The following RNF212B variants were observed in gnomAD, a reference collection of about 807,000 sequenced individuals.
RNF212B encodes E3 ubiquitin-protein ligase RNF212B.
A neutral mutation model predicts 55.5 loss-of-function variants in RNF212B; 52 were observed. The observed-to-expected ratio is 0.94, with a 90% CI of 0.75 to 1.18. The LOEUF (loss-of-function observed/expected upper bound fraction) is 1.18, where lower values mean the gene tolerates loss of function less well. Ranked by LOEUF, RNF212B falls within the 50% of genes most tolerant of loss-of-function variation. RNF212B has a pLI of 0.00. For synonymous variants in RNF212B, 99 were observed against 121.4 expected (o/e 0.82, Z 1.21); for missense variants, 289 against 350.4 (o/e 0.82, Z 1.40).
chr14:23,230,658 A>G (rs1158731576), intron 2 of RNF212B, among the ~76,000 whole-genome samples: 1 of 91,866 alleles, frequency 1.1e-5, no homozygotes, highest in South Asian at 2.5e-4. Flanking sequence ...CATCTCAAAA[A>G]AAAAAAAAAA....
In RNF212B at chr14:23,262,704, A is replaced by C; in HGVS notation, c.474A>C (p.Ser158=). ...TPRPVGITSP[S]QSVTPRPSFQ... Reference sequence around the variant, plus strand: ...GACCAGTGGGCATTACTTCCCCATCACAGTCAGGTGGAGAACATTTTTCCC... The same window carrying C: ...GACCAGTGGGCATTACTTCCCCATCCCAGTCAGGTGGAGAACATTTTTCCC... The change falls in exon 8 of 15, where the codon TCA becomes TCC. Residue 158 remains serine (S), a synonymous_variant. Coordinates refer to ENST00000430154, the MANE Select transcript of RNF212B (RefSeq NM_001282322.3). 6.5e-7 allele frequency: 1 copy of C among 1,550,342 alleles called. No individual in the cohort carries two copies. The highest frequency in any genetic ancestry group is 8.7e-7 in the Non-Finnish European group (1 of 1,146,880).
intron 4 of RNF212B, among the ~76,000 whole-genome samples, chr14:23,252,747 T>C (rs1467639683): frequency 6.6e-6 from 1 of 152,206 alleles, no homozygotes; most frequent in Non-Finnish European, 1.5e-5. Context: ...TGGGGGTCTT[T>C]AGACTCACTG....
At chr14:23,248,740 C>T (rs1022219965) in intron 4 of RNF212B, among the ~76,000 whole-genome samples, 3 of 152,034 alleles carry the variant, frequency 2.0e-5, no homozygotes, top group African/African-American at 7.2e-5. Context: ...ACGCCCGGCC[C>T]CCAAGCCTCT....
At chr14:23,232,999 A>G (rs1882824396), upstream of RNF212B, among the ~76,000 whole-genome samples, 1 of 152,248 alleles carries the variant, frequency 6.6e-6, no homozygotes, top group South Asian at 2.1e-4. Flanking sequence ...CAGAGAAATC[A>G]GATTGTTGCT....
At chr14:23,185,488 A>C (rs1413703548) in exon 1 of RNF212B, 1 of 152,234 alleles carries the variant, frequency 6.6e-6, no homozygotes, top group Non-Finnish European at 1.5e-5. Flanking sequence ...CTGCTTCTTA[A>C]ACGTGAGTTC....
chr14:23,244,503 G>A, intron 4 of RNF212B, 107 bp downstream of exon 4: 2 of 587,894 alleles, frequency 3.4e-6, no homozygotes, highest in Non-Finnish European at 5.9e-6. Flanking sequence ...CACAATGGAG[G>A]GAAATTGACT....
chr14:23,253,404 A>G (rs956974014), intron 4 of RNF212B, among the ~76,000 whole-genome samples: 1 of 152,022 alleles, frequency 6.6e-6, no homozygotes, highest in African/African-American at 2.4e-5. Flanking sequence ...TCTTTTGTCT[A>G]TAGAGTTGTT....
intron 6 of RNF212B, 143 bp from the exon 7 acceptor site, chr14:23,260,513 ACTG>A: frequency 1.4e-6 from 1 of 705,758 alleles, no homozygotes; most frequent in South Asian, 1.7e-5. Context: ...CTAAGGAAAT[ACTG>A]CTGCTACTTT....
At position 23,268,964 on chromosome 14, in the gene RNF212B, G is replaced by C; in HGVS notation, c.674+1G>C. The C allele has an allele frequency of 6.5e-7, 1 of 1,549,292 alleles. No homozygotes were observed. Among genetic ancestry groups the C allele is most frequent in the Non-Finnish European group, 8.7e-7 (1 of 1,145,602 alleles). On this transcript the variant is annotated splice_donor_variant, in intron 12 of 14. Transcript: ENST00000430154. LOFTEE classifies it high-confidence loss of function. ...CTTCAACTCATAGCCTATCTTATAG[G>C]TCAGTAACACTATGCTTCCTTTTTC...
chr14:23,223,851 C>T (rs1416311046), intron 2 of RNF212B, among the ~76,000 whole-genome samples: 3 of 152,086 alleles, frequency 2.0e-5, no homozygotes, highest in Non-Finnish European at 4.4e-5. Context: ...TTAAAGACTC[C>T]ACCAAAAACT....
At chr14:23,270,086 C>G (rs758928928) in intron 13 of RNF212B, 126 bp downstream of exon 13, 2 of 639,972 alleles carry the variant, frequency 3.1e-6, no homozygotes, top group Non-Finnish European at 5.5e-6. Flanking sequence ...TAGTTGGCTC[C>G]TTAATATTCT....
Position 23,216,999 on chromosome 14 carries a change from G to A in RNF212B, c.-1-23346G>A, listed in dbSNP as rs766060314. Among the ~76,000 whole-genome samples, 3 of 151,526 alleles carry A rather than the reference G, an allele frequency of 2.0e-5. No individual in the cohort carries two copies. In the South Asian group the frequency reaches 6.3e-4, roughly 32 times the overall value. ...CTGGAGAGCAGATTAGTGACTGACA[G>A]ATGTTAAGAATGGGGACAGGCACAG... On this transcript the variant is annotated intron_variant, in intron 2 of 15. Transcript: ENST00000399910.
Position 23,272,859 on chromosome 14 carries a change from A to G in RNF212B, c.871A>G (p.Ser291Gly), listed in dbSNP as rs1406569450. The change falls in exon 15 of 15, where the codon AGT becomes GGT. Residue 291 changes from serine to glycine, a missense_variant. Physicochemically the swap from Ser to Gly is moderately conservative, Grantham distance 56. Coordinates refer to ENST00000430154, the MANE Select transcript of RNF212B (RefSeq NM_001282322.3). ...YQQRRHMGLP[S>G]GREAWTTSR ...ACAACGGAGGCATATGGGATTACCC[A>G]GTGGGAGAGAAGCATGGACCACTTC... 4 of 1,547,834 alleles carry G rather than the reference A, an allele frequency of 2.6e-6. No individual in the cohort carries two copies. In the South Asian group the frequency reaches 4.8e-5, roughly 18 times the overall value.
chr14:23,236,991 T>C (rs532596674), upstream of RNF212B, among the ~76,000 whole-genome samples: 130 of 148,418 alleles, frequency 8.8e-4, no homozygotes, highest in African/African-American at 3.2e-3. Flanking sequence ...TGAGGCAGTG[T>C]CTTGCTCCCT....
At chr14:23,245,847 C>G (rs1883936801) in intron 4 of RNF212B, among the ~76,000 whole-genome samples, 1 of 152,162 alleles carries the variant, frequency 6.6e-6, no homozygotes, top group African/African-American at 2.4e-5. Context: ...TCCATGAAAA[C>G]AGATTTGGTT....
In RNF212B at chr14:23,240,351, T is replaced by C. The variant is rs1883480323; in HGVS notation, c.6T>C (p.Asp2=). The C allele has an allele frequency of 6.5e-7, 1 of 1,544,022 alleles. No individual in the cohort carries two copies. Among genetic ancestry groups the C allele is most frequent in the Admixed American group, 2.0e-5 (1 of 50,938 alleles). M[D]WFHCNQCFRK... is the part of the protein sequence containing the mutation. ...TTCTCTTTATCTGCTCCAGAATGGATTGGTTTCATTGCAACCAGTGCTTCC... is the reference window on the plus strand; with the variant it reads ...TTCTCTTTATCTGCTCCAGAATGGACTGGTTTCATTGCAACCAGTGCTTCC... The change falls in exon 2 of 15, where the codon GAT becomes GAC. Residue 2 remains aspartate, a synonymous_variant. Transcript: ENST00000430154.
intron 2 of RNF212B, among the ~76,000 whole-genome samples, chr14:23,223,645 G>A (rs905595198): frequency 3.3e-5 from 5 of 152,142 alleles, no homozygotes; most frequent in African/African-American, 9.7e-5. Flanking sequence ...GTGAGCCACC[G>A]CGCCCGGCCA....
intron 1 of RNF212B, among the ~76,000 whole-genome samples, chr14:23,239,642 G>A (rs562198951): frequency 1.0e-4 from 15 of 150,358 alleles, no homozygotes; most frequent in Admixed American, 4.6e-4. Flanking sequence ...TTTTTGAGAC[G>A]GAGTCTGGCT....
At chr14:23,194,023 G>A (rs989011681) in intron 2 of RNF212B, among the ~76,000 whole-genome samples, 2 of 152,132 alleles carry the variant, frequency 1.3e-5, no homozygotes, top group Non-Finnish European at 2.9e-5. Flanking sequence ...TGTATTTTTA[G>A]TAGAGACAGG....
Sources: gnomAD v4.1 joint callset for allele counts (sites outside exome capture counted in the v4.1 genomes callset) on GRCh38, gnomAD v4.1.1 for gene constraint, MANE v1.5 for transcripts, NCBI Gene and HGNC (gene_info 2026-07-23, HGNC 2026-07-21) for gene names.